Variants in DLGAP2 observed in about 807,000 individuals in gnomAD.
The protein encoded by DLGAP2 is disks large-associated protein 2.
In DLGAP2, 26 loss-of-function variants were observed where a neutral mutation model predicts 100.3. That is an observed-to-expected ratio of 0.26 (90% CI 0.19 to 0.36). The LOEUF is 0.36. Ranked by LOEUF, DLGAP2 falls within the 10% of genes least tolerant of loss-of-function variation. DLGAP2 has a pLI of 1.00. For missense variants in DLGAP2, 1,858 were observed against 1,453.2 expected (o/e 1.28, Z -4.53); for synonymous variants, 886 against 630.1 (o/e 1.41, Z -6.08).
intron 3 of DLGAP2, among the ~76,000 whole-genome samples, chr8:1,303,437 A>G (rs1800412923): frequency 1.3e-5 from 2 of 150,304 alleles, no homozygotes; most frequent in South Asian, 4.2e-4. Context: ...AGGAAGGAGA[A>G]GAGGAGTGTT....
intron 3 of DLGAP2, among the ~76,000 whole-genome samples, chr8:1,339,926 T>C (rs1801380731): frequency 6.6e-6 from 1 of 152,244 alleles, no homozygotes; most frequent in African/African-American, 2.4e-5. Flanking sequence ...GACAGGAAGC[T>C]GTGCAAACAG....
At chr8:1,194,973 C>T (rs112620781) in intron 2 of DLGAP2, among the ~76,000 whole-genome samples, 295 of 152,350 alleles carry the variant, frequency 1.9e-3, no homozygotes, top group Non-Finnish European at 3.4e-3. Flanking sequence ...TAGGGCTGCA[C>T]CCCCTCCGCT....
chr8:1,702,384 A>C lies in DLGAP2; in HGVS notation c.*978A>C, dbSNP rs1309628038. On this transcript the variant is annotated 3_prime_UTR_variant, in exon 15 of 15. Transcript: ENST00000637795. ...CCTTAAAAAAAAACACACACGAAAAACAAAAGTTTGCTTGTTTAAAATGAC... is the reference window on the plus strand; with the variant it reads ...CCTTAAAAAAAAACACACACGAAAACCAAAAGTTTGCTTGTTTAAAATGAC... The C allele has an allele frequency of 3.9e-5, 6 of 152,614 alleles. No homozygotes were observed. The highest frequency in any genetic ancestry group is 1.5e-5 in the Non-Finnish European group (1 of 68,034). The allele number at this position is 152,614 out of a possible 1,614,324, so 9.5% of individuals were successfully genotyped here. A position where few individuals can be genotyped will look rare whatever the true frequency, so the allele number is the denominator to read the frequency against.
chr8:994,520 T>C (rs939444608), intron 2 of DLGAP2, among the ~76,000 whole-genome samples: 1 of 152,180 alleles, frequency 6.6e-6, no homozygotes, highest in African/African-American at 2.4e-5. Context: ...TAATAACGGT[T>C]GTCTCTGGGA....
At chr8:1,059,556 T>C (rs577060537) in intron 2 of DLGAP2, among the ~76,000 whole-genome samples, 1 of 152,254 alleles carries the variant, frequency 6.6e-6, no homozygotes, top group Non-Finnish European at 1.5e-5. Context: ...TTGCCTCCCC[T>C]CCATTAGGCT....
At chr8:1,020,691 C>G (rs542754014) in intron 2 of DLGAP2, among the ~76,000 whole-genome samples, 13 of 152,316 alleles carry the variant, frequency 8.5e-5, no homozygotes, top group African/African-American at 3.1e-4. Flanking sequence ...GGAACCAACA[C>G]CCACTCAGAC....
At position 980,560 on chromosome 8, in the gene DLGAP2, C is replaced by T. The variant is rs556225516; in HGVS notation, c.73+72594C>T. Among the ~76,000 whole-genome samples the T allele has an allele frequency of 2.0e-3, 302 of 152,296 alleles. 2 individuals carry two copies. The highest frequency in any genetic ancestry group is 3.4e-3 in the Middle Eastern group (1 of 294). On this transcript the variant is annotated intron_variant, in intron 2 of 14. Coordinates refer to ENST00000637795, the MANE Select transcript of DLGAP2 (RefSeq NM_001346810.2). ...TCTGTTCTCTCTTCGCCAATTCATT[C>T]GCTCAAGGTTGTGAAACACGTGCTG... is the stretch of plus-strand genomic sequence containing the variant.
chr8:1,698,605 G>A (rs996474212), intron 14 of DLGAP2, among the ~76,000 whole-genome samples: 3 of 149,490 alleles, frequency 2.0e-5, no homozygotes, highest in African/African-American at 7.5e-5. Context: ...GCCATGCTTG[G>A]GACAGGTCCA....
intron 12 of DLGAP2, among the ~76,000 whole-genome samples, chr8:1,682,824 A>G (rs1417845542): frequency 6.6e-6 from 1 of 151,630 alleles, no homozygotes; most frequent in Non-Finnish European, 1.5e-5. Context: ...GCATCTGAAA[A>G]ACTATTTTTC....
rs549937034 is a variant in DLGAP2 at position 1,566,023 on chromosome 8, A to G, written c.1442+129A>G. On this transcript the variant is annotated intron_variant, in intron 6 of 14. Transcript: ENST00000637795. ...TAAATTGCCAAGCTGAAAATATTAGACCCATGGCTGTCAATTTTCAAGTAT... is the reference window on the plus strand; with the variant it reads ...TAAATTGCCAAGCTGAAAATATTAGGCCCATGGCTGTCAATTTTCAAGTAT... 7 of 651,154 alleles carry G rather than the reference A, an allele frequency of 1.1e-5. No individual in the cohort carries two copies. In the Admixed American group the frequency reaches 1.6e-4, roughly 15 times the overall value. 40.3% of individuals were successfully genotyped at this position (651,154 alleles called of 1,614,324 possible).
At chr8:1,678,153 C>T in intron 11 of DLGAP2, 61 bp from the exon 12 acceptor site, 1 of 1,545,696 alleles carries the variant, frequency 6.5e-7, no homozygotes, top group Non-Finnish European at 8.7e-7. Flanking sequence ...ACATGTAGGA[C>T]TTTGTTGCAT....
chr8:771,743 T>G (rs60642065), intron 1 of DLGAP2, among the ~76,000 whole-genome samples: 5,059 of 152,330 alleles, frequency 0.033, 273 homozygotes, highest in African/African-American at 0.12. Context: ...TCCTTTATTT[T>G]AAAATGACTT....
chr8:1,449,567 C>T (rs1428640732), intron 3 of DLGAP2, among the ~76,000 whole-genome samples: 1 of 152,204 alleles, frequency 6.6e-6, no homozygotes, highest in East Asian at 1.9e-4. Context: ...TGTCTGCACC[C>T]AGACCCCGTT....
chr8:1,275,361 GAA>G (rs113417814), intron 3 of DLGAP2, among the ~76,000 whole-genome samples: 4 of 140,208 alleles, frequency 2.9e-5, no homozygotes, highest in South Asian at 2.3e-4. Context: ...ATTTGGAATG[GAA>G]AAAAAAAAAA....
At chr8:1,130,971 C>G (rs569127002) in intron 2 of DLGAP2, among the ~76,000 whole-genome samples, 40 of 152,206 alleles carry the variant, frequency 2.6e-4, no homozygotes, top group Non-Finnish European at 5.3e-4. Context: ...TGGCTGTGTC[C>G]TACTGTTGCC....
intron 2 of DLGAP2, among the ~76,000 whole-genome samples, chr8:944,965 A>C (rs11778691): frequency 0.068 from 10,410 of 152,240 alleles, 513 homozygotes; most frequent in Admixed American, 0.13. Context: ...TGATTTTCCT[A>C]GTGATCTGTG....
At chr8:756,818 G>C (rs901019970) in intron 1 of DLGAP2, among the ~76,000 whole-genome samples, 8 of 152,136 alleles carry the variant, frequency 5.3e-5, no homozygotes, top group Admixed American at 3.3e-4. Flanking sequence ...GTCTCTCTCG[G>C]CTTGAAACCA....
At position 1,090,571 on chromosome 8, in the gene DLGAP2, G is replaced by T. The variant is rs146129508; in HGVS notation, c.74-168280G>T. 2.8e-3 allele frequency among the ~76,000 whole-genome samples: 431 copies of T among 152,368 alleles called. 2 individuals carry two copies. Among genetic ancestry groups the T allele is most frequent in the African/African-American group, 9.6e-3 (400 of 41,596 alleles). On this transcript the variant is annotated intron_variant, in intron 2 of 14. Coordinates refer to ENST00000637795, the MANE Select transcript of DLGAP2 (RefSeq NM_001346810.2). ...AGGTTTGAGAATCCACAGGGGGTTTGTCCTGTGGGGAGAGTGGCAGCCCCC... is the reference window on the plus strand; with the variant it reads ...AGGTTTGAGAATCCACAGGGGGTTTTTCCTGTGGGGAGAGTGGCAGCCCCC...
At chr8:1,028,278 G>T (rs1801872485) in intron 2 of DLGAP2, among the ~76,000 whole-genome samples, 1 of 141,170 alleles carries the variant, frequency 7.1e-6, no homozygotes, top group African/African-American at 2.7e-5. Context: ...TCCAGGTGGG[G>T]TGTCAGGCGC....
Sources: gnomAD v4.1 joint callset for allele counts (sites outside exome capture counted in the v4.1 genomes callset) on GRCh38, gnomAD v4.1.1 for gene constraint, MANE v1.5 for transcripts, NCBI Gene and HGNC (gene_info 2026-07-23, HGNC 2026-07-21) for gene names.